DNAH2: variants seen among roughly 807,000 people sequenced by gnomAD.
The protein encoded by DNAH2 is axonemal beta dynein heavy chain 2.
Under a neutral mutation model 523.5 loss-of-function variants are expected in DNAH2, and 323 were observed. The ratio of observed to expected loss-of-function variants is 0.62; its 90% CI spans 0.56 to 0.68. The LOEUF (loss-of-function observed/expected upper bound fraction) is 0.68, where lower values mean the gene tolerates loss of function less well. Ranked by LOEUF, DNAH2 falls within the 30% of genes least tolerant of loss-of-function variation. The probability of loss-of-function intolerance (pLI) is 0.00; values close to 1 mark genes in which losing one functional copy is unlikely to be tolerated. For synonymous variants in DNAH2, 2,093 were observed against 2,177.4 expected (o/e 0.96, Z 1.08); for missense variants, 4,907 against 5,701.5 (o/e 0.86, Z 4.49).
At chr17:7,775,021 G>A in intron 29 of DNAH2, 45 bp downstream of exon 29, 1 of 1,587,914 alleles carries the variant, frequency 6.3e-7, no homozygotes, top group South Asian at 1.1e-5. Context: ...GCGAAGGGAG[G>A]GTGTTGGGGT....
At chr17:7,720,005 G>T (rs1483200645) in intron 2 of DNAH2, 105 bp downstream of exon 2, 30 of 1,361,340 alleles carry the variant, frequency 2.2e-5, no homozygotes, top group Non-Finnish European at 2.7e-5. Flanking sequence ...TTGCTTCTGG[G>T]CAGGAAACGG....
intron 12 of DNAH2, among the ~76,000 whole-genome samples, chr17:7,750,004 G>T (rs1437227764): frequency 1.3e-5 from 2 of 151,862 alleles, no homozygotes; most frequent in African/African-American, 4.8e-5. Flanking sequence ...CTCAAAAAAA[G>T]AAAAATTACC....
chr17:7,793,803 G>A (rs1194026203), intron 48 of DNAH2, among the ~76,000 whole-genome samples: 1 of 151,878 alleles, frequency 6.6e-6, no homozygotes, highest in East Asian at 1.9e-4. Flanking sequence ...CTGGCTCCTG[G>A]GGTTGTTTGT....
At position 7,818,419 on chromosome 17, in the gene DNAH2, T is replaced by C. The variant is rs367815384; in HGVS notation, c.10495T>C (p.Ser3499Pro). The change falls in exon 69 of 86, where the codon TCA becomes CCA. Residue 3499 changes from serine to proline, a missense_variant. By Grantham distance (74) the Ser-to-Pro change is moderately conservative. This residue lies in a region of DNAH2 where 1,851 missense variants were observed against 2,139.4 expected (regional missense o/e 0.87). Transcript: ENST00000572933. Reference protein sequence around the residue: ...LSNPHYSPETSAKTTIVNFAV... With the variant: ...LSNPHYSPETPAKTTIVNFAV... ...CAACCCCCACTACAGCCCAGAGACC[T>C]CAGCCAAGACCACCATCGTCAACTT... The C allele has an allele frequency of 6.2e-7, 1 of 1,614,070 alleles. No individual in the cohort carries two copies. Among genetic ancestry groups the C allele is most frequent in the African/African-American group, 1.3e-5 (1 of 74,920 alleles).
intron 4 of DNAH2, 139 bp downstream of exon 4, chr17:7,727,431 G>GT: frequency 5.2e-6 from 6 of 1,161,966 alleles, no homozygotes; most frequent in Non-Finnish European, 7.1e-6. Flanking sequence ...CCTACTTGGT[G>GT]GCAAGGATAG....
At chr17:7,789,846 G>A (rs541377934) in intron 44 of DNAH2, among the ~76,000 whole-genome samples, 2 of 152,248 alleles carry the variant, frequency 1.3e-5, no homozygotes, top group South Asian at 2.1e-4. Flanking sequence ...CCAAAGTGCT[G>A]GGATTACAGG....
chr17:7,788,333 G>T, intron 44 of DNAH2, 89 bp downstream of exon 44: 1 of 1,438,204 alleles, frequency 7.0e-7, no homozygotes, highest in Non-Finnish European at 9.2e-7. Flanking sequence ...GTCTGAGACA[G>T]GTTGAACTCC....
intron 49 of DNAH2, among the ~76,000 whole-genome samples, chr17:7,795,248 A>T (rs546150829): frequency 3.5e-4 from 54 of 152,280 alleles, no homozygotes; most frequent in Admixed American, 1.4e-3. Flanking sequence ...ATAAATACAA[A>T]ATCAGTAGAG....
chr17:7,804,235 C>G (rs1555567697), intron 58 of DNAH2, 21 bp from the exon 59 acceptor site: 2 of 1,613,290 alleles, frequency 1.2e-6, no homozygotes, highest in Non-Finnish European at 1.7e-6. Context: ...TCTCCACACC[C>G]TGTCCTATTC....
intron 20 of DNAH2, among the ~76,000 whole-genome samples, 192 bp downstream of exon 20, chr17:7,764,465 C>CTTT (rs36076472): frequency 1.4e-5 from 2 of 143,910 alleles, no homozygotes; most frequent in Non-Finnish European, 3.0e-5. Flanking sequence ...TCTTCTTCCT[C>CTTT]TTTTTTTTTT....
chr17:7,809,429 G>T (rs1367499454), intron 63 of DNAH2, among the ~76,000 whole-genome samples: 1 of 152,072 alleles, frequency 6.6e-6, no homozygotes, highest in Non-Finnish European at 1.5e-5. Context: ...TTGGGTGAAC[G>T]GGGCTTCTCT....
Position 7,821,455 on chromosome 17 carries a change from G to A in DNAH2, c.11142+86G>A, listed in dbSNP as rs2077853273. On this transcript the variant is annotated intron_variant, in intron 73 of 85. Transcript: ENST00000572933. This position sits in a 1 kb window ranked among gnomAD's most constrained non-coding sequence, Gnocchi z 5.0. Reference sequence around the variant, plus strand: ...TGTGACAAGGACTCCAGACCCAGAGGGTCAGGCCCACAGCATCAGTGAGTG... The same window carrying A: ...TGTGACAAGGACTCCAGACCCAGAGAGTCAGGCCCACAGCATCAGTGAGTG... 6.7e-7 allele frequency: 1 copy of A among 1,486,886 alleles called. No individual in the cohort carries two copies. Among genetic ancestry groups the A allele is most frequent in the Non-Finnish European group, 9.0e-7 (1 of 1,108,386 alleles). 92.1% of individuals were successfully genotyped at this position (1,486,886 alleles called of 1,614,324 possible).
At chr17:7,744,848 G>A (rs1268255155) in intron 12 of DNAH2, among the ~76,000 whole-genome samples, 1 of 152,156 alleles carries the variant, frequency 6.6e-6, no homozygotes, top group East Asian at 1.9e-4. Context: ...TACCCCCAAA[G>A]TTATTGTGTC....
Position 7,763,901 on chromosome 17 carries a change from T to C in DNAH2, c.3049T>C (p.Cys1017Arg). The C allele has an allele frequency of 6.2e-7, 1 of 1,614,222 alleles. No individual in the cohort carries two copies. Among genetic ancestry groups the C allele is most frequent in the Non-Finnish European group, 8.5e-7 (1 of 1,180,038 alleles). Reference sequence around the variant, plus strand: ...CAACATCCAGTTTGTGCTGCTGGACTGTTCGCACCTCAAGTTCTCCCTGGT... The same window carrying C: ...CAACATCCAGTTTGTGCTGCTGGACCGTTCGCACCTCAAGTTCTCCCTGGT... ...VTNIQFVLLD[C>R]SHLKFSLVQH... Residue 1017 changes from cysteine (C) to arginine (R), a missense_variant, in exon 19 of 86, where the codon TGT becomes CGT. Cys to Arg is a radical substitution (Grantham distance 180, BLOSUM62 -3). Around this residue, in one of 3 missense-constraint regions of DNAH2, gnomAD observed 2,806 missense variants for 3,190.8 expected, o/e 0.88. Transcript: ENST00000572933.
At chr17:7,796,994 T>G (rs1055659950) in intron 50 of DNAH2, among the ~76,000 whole-genome samples, 182 bp from the exon 51 acceptor site, 1 of 144,596 alleles carries the variant, frequency 6.9e-6, no homozygotes, top group African/African-American at 2.6e-5. Flanking sequence ...CCCAGCTACA[T>G]GGGAGGCTGA....
intron 44 of DNAH2, among the ~76,000 whole-genome samples, chr17:7,789,236 G>A (rs1189850909): frequency 1.3e-5 from 2 of 152,236 alleles, no homozygotes; most frequent in Non-Finnish European, 2.9e-5. Context: ...GGGCAGTTAC[G>A]AGTTATCAAT....
chr17:7,758,436 G>A (rs1202918266), intron 13 of DNAH2, 59 bp from the exon 14 acceptor site: 1 of 1,562,384 alleles, frequency 6.4e-7, no homozygotes, highest in Non-Finnish European at 8.7e-7. Flanking sequence ...GTTTCCTGAA[G>A]TGGAGGAAAG....
intron 39 of DNAH2, among the ~76,000 whole-genome samples, 171 bp downstream of exon 39, chr17:7,781,338 G>T (rs957230255): frequency 3.3e-5 from 5 of 152,154 alleles, no homozygotes; most frequent in Admixed American, 3.3e-4. Flanking sequence ...AGCCAGGCAT[G>T]GTGGTGCACA....
chr17:7,813,975 G>A (rs2077589001), intron 63 of DNAH2, among the ~76,000 whole-genome samples: 1 of 151,642 alleles, frequency 6.6e-6, no homozygotes, highest in Non-Finnish European at 1.5e-5. Flanking sequence ...TAGGTCTAAG[G>A]ATTCAGTGGT....
Sources: gnomAD v4.1 joint callset for allele counts (sites outside exome capture counted in the v4.1 genomes callset) on GRCh38, gnomAD v4.1.1 for gene constraint, gnomAD v4.1.1 regional missense constraint, Gnocchi (gnomAD v3.1) non-coding constraint, MANE v1.5 for transcripts, NCBI Gene and HGNC (gene_info 2026-07-23, HGNC 2026-07-21) for gene names.